TEAD1: variants seen among roughly 807,000 people sequenced by gnomAD.
TEAD1 encodes the protein transcriptional enhancer factor TEF-1.
A neutral mutation model predicts 54.9 loss-of-function variants in TEAD1; 9 were observed. The ratio of observed to expected loss-of-function variants is 0.16; its 90% CI spans 0.10 to 0.29. The LOEUF is 0.29. Ranked by LOEUF, TEAD1 falls within the 10% of genes least tolerant of loss-of-function variation. The pLI, the probability that TEAD1 is intolerant of heterozygous loss-of-function variation, is 1.00. For synonymous variants in TEAD1, 200 were observed against 187.8 expected (o/e 1.07, Z -0.53); for missense variants, 387 against 535.9 (o/e 0.72, Z 2.74).
chr11:12,838,946 T>C (rs1946966201), intron 3 of TEAD1, among the ~76,000 whole-genome samples: 1 of 152,188 alleles, frequency 6.6e-6, no homozygotes, highest in Non-Finnish European at 1.5e-5. Flanking sequence ...AGAAAATCTG[T>C]GCCGCTCAAA....
chr11:12,885,275 G>A (rs1272116853), intron 9 of TEAD1, among the ~76,000 whole-genome samples: 2 of 133,678 alleles, frequency 1.5e-5, no homozygotes, highest in African/African-American at 2.8e-5. Context: ...TCGCTCTGTT[G>A]CCCAGGCTGG....
intron 2 of TEAD1, among the ~76,000 whole-genome samples, chr11:12,752,691 C>T (rs969407989): frequency 1.3e-5 from 2 of 152,076 alleles, no homozygotes; most frequent in African/African-American, 4.8e-5. Context: ...TAGCCATTAG[C>T]CACTTGTGAA....
chr11:12,938,860 A>G lies in TEAD1; in HGVS notation c.*1638A>G, dbSNP rs1243908395. ...GTAAGTGGTAGGAACATGTGCACAC[A>G]ATAGAACATGAAATAAGTTTTTTAA... On this transcript the variant is annotated 3_prime_UTR_variant, in exon 13 of 13. Coordinates refer to ENST00000527636, the MANE Select transcript of TEAD1 (RefSeq NM_021961.6). The G allele has an allele frequency of 6.6e-6, 1 of 152,274 alleles. No homozygotes were observed. Among genetic ancestry groups the G allele is most frequent in the Non-Finnish European group, 1.5e-5 (1 of 68,054 alleles). The allele number at this position is 152,274 out of a possible 1,614,324, so 9.4% of individuals were successfully genotyped here.
Position 12,944,332 on chromosome 11 carries a change from T to C in TEAD1, c.*7110T>C, listed in dbSNP as rs1485709491. On this transcript the variant is annotated 3_prime_UTR_variant, in exon 13 of 13. Coordinates refer to ENST00000527636, the MANE Select transcript of TEAD1 (RefSeq NM_021961.6). The stretch of plus-strand genomic sequence containing the variant: ...TAAACCTCTTGGCAGTACAGTATTC[T>C]TGTATTTGTTAACGTCTGTGTTTAG... 11 of 152,750 alleles carry C rather than the reference T, an allele frequency of 7.2e-5. No individual in the cohort carries two copies. The South Asian group carries it at 1.9e-3, about 26-fold the overall frequency. The allele number at this position is 152,750 out of a possible 1,614,324, so 9.5% of individuals were successfully genotyped here. A position where few individuals can be genotyped will look rare whatever the true frequency, so the allele number is the denominator to read the frequency against.
chr11:12,776,484 G>A (rs1475184166), intron 3 of TEAD1, among the ~76,000 whole-genome samples: 2 of 152,118 alleles, frequency 1.3e-5, no homozygotes, highest in Non-Finnish European at 2.9e-5. Flanking sequence ...TTCCTGGCAA[G>A]TAATCTTGTA....
intron 2 of TEAD1, among the ~76,000 whole-genome samples, chr11:12,757,924 C>T (rs547825912): frequency 5.9e-5 from 9 of 152,130 alleles, no homozygotes; most frequent in African/African-American, 1.7e-4. Context: ...GGATTACAGG[C>T]GCCTGCCACC....
chr11:12,876,111 G>C (rs1326703170), intron 5 of TEAD1, among the ~76,000 whole-genome samples: 1 of 152,090 alleles, frequency 6.6e-6, no homozygotes, highest in East Asian at 1.9e-4. Context: ...TCCTGCTCTT[G>C]AACTCCTGTT....
chr11:12,807,468 C>T (rs112233544), intron 3 of TEAD1, among the ~76,000 whole-genome samples: 345 of 152,244 alleles, frequency 2.3e-3, no homozygotes, highest in African/African-American at 7.8e-3. Context: ...ACTTGTGTAA[C>T]CTTGAGCAAG....
chr11:12,817,938 T>A (rs1202405809), intron 3 of TEAD1, among the ~76,000 whole-genome samples: 3 of 152,244 alleles, frequency 2.0e-5, no homozygotes, highest in Non-Finnish European at 4.4e-5. Context: ...CCACACATTG[T>A]GGTTATTAGC....
chr11:12,725,405 C>T (rs1041734975), intron 2 of TEAD1, among the ~76,000 whole-genome samples: 11 of 152,112 alleles, frequency 7.2e-5, no homozygotes, highest in East Asian at 3.9e-4. Flanking sequence ...AGTTTGACAG[C>T]GGACTAGAGT....
intron 10 of TEAD1, among the ~76,000 whole-genome samples, chr11:12,915,341 C>A (rs574541705): frequency 3.3e-5 from 5 of 152,248 alleles, no homozygotes; most frequent in Middle Eastern, 3.4e-3. Flanking sequence ...GATCCTTCTG[C>A]CCCCACAGCC....
intron 3 of TEAD1, among the ~76,000 whole-genome samples, chr11:12,767,911 A>C (rs1401937487): frequency 6.6e-6 from 1 of 152,228 alleles, no homozygotes; most frequent in Admixed American, 6.5e-5. Context: ...GGGAGAGGAG[A>C]TAGATAGCAG....
chr11:12,753,356 C>T (rs1322503577), intron 2 of TEAD1, among the ~76,000 whole-genome samples: 1 of 152,088 alleles, frequency 6.6e-6, no homozygotes, highest in African/African-American at 2.4e-5. Context: ...AAGAGTTTTC[C>T]AGAATGATTG....
At chr11:12,725,988 A>G (rs1944303126) in intron 2 of TEAD1, among the ~76,000 whole-genome samples, 1 of 152,238 alleles carries the variant, frequency 6.6e-6, no homozygotes, top group Non-Finnish European at 1.5e-5. Flanking sequence ...TTACCCAACC[A>G]TCCTTCCACG....
At chr11:12,851,407 A>G (rs990184400) in intron 3 of TEAD1, among the ~76,000 whole-genome samples, 5 of 152,246 alleles carry the variant, frequency 3.3e-5, no homozygotes, top group East Asian at 1.9e-4. Flanking sequence ...GATGATAGCT[A>G]TGTTAATCTG....
intron 10 of TEAD1, among the ~76,000 whole-genome samples, chr11:12,904,639 A>T (rs886953708): frequency 4.6e-5 from 7 of 152,212 alleles, no homozygotes; most frequent in African/African-American, 1.7e-4. Flanking sequence ...CTAATTTTTT[A>T]AAAATACAGG....
chr11:12,869,780 C>A (rs1225598532), intron 5 of TEAD1, among the ~76,000 whole-genome samples: 1 of 152,178 alleles, frequency 6.6e-6, no homozygotes, highest in African/African-American at 2.4e-5. Context: ...TTCCTACCAC[C>A]CACAATGTAT....
rs144389092 is a variant in TEAD1 at position 12,944,658 on chromosome 11, G to A, written c.*7436G>A. 2.1e-3 allele frequency among the ~76,000 whole-genome samples: 324 copies of A among 152,234 alleles called. No individual in the cohort carries two copies. Among genetic ancestry groups the A allele is most frequent in the Middle Eastern group, 0.01 (3 of 294 alleles). ...CATTTTGATGCCTTCTTGATAAAGT[G>A]GTAGACATTTTGTAGCTTTCTAGAA... On this transcript the variant is annotated 3_prime_UTR_variant, in exon 13 of 13. Coordinates refer to ENST00000527636, the MANE Select transcript of TEAD1 (RefSeq NM_021961.6).
intron 2 of TEAD1, among the ~76,000 whole-genome samples, chr11:12,751,871 C>T (rs1291458225): frequency 6.6e-6 from 1 of 152,182 alleles, no homozygotes; most frequent in Non-Finnish European, 1.5e-5. Flanking sequence ...TGAGCACTCT[C>T]TGAGGGGCCT....
Sources: allele counts gnomAD v4.1 joint callset (sites outside exome capture counted in the v4.1 genomes callset), GRCh38; gene constraint gnomAD v4.1.1; transcripts MANE v1.5; gene names NCBI Gene and HGNC (gene_info 2026-07-23, HGNC 2026-07-21).